Variants in ADGRB3 observed in about 807,000 individuals in gnomAD.
ADGRB3 encodes the protein adhesion G protein-coupled receptor B3.
Under a neutral mutation model 193.4 loss-of-function variants are expected in ADGRB3, and 37 were observed. The observed-to-expected ratio is 0.19, with a 90% CI of 0.15 to 0.25. The LOEUF (loss-of-function observed/expected upper bound fraction) is 0.25, where lower values mean the gene tolerates loss of function less well. Among genes scored for constraint, ADGRB3 ranks in the 10% least tolerant of loss-of-function variants. ADGRB3 has a pLI of 1.00. For synonymous variants in ADGRB3, 690 were observed against 644.2 expected (o/e 1.07, Z -1.08); for missense variants, 1,637 against 1,852.9 (o/e 0.88, Z 2.14).
At chr6:68,677,093 G>A (rs1769109250) in intron 3 of ADGRB3, among the ~76,000 whole-genome samples, 1 of 152,124 alleles carries the variant, frequency 6.6e-6, no homozygotes, top group African/African-American at 2.4e-5. Context: ...TAAAGAGTAA[G>A]GATTCCATAC....
chr6:68,741,855 C>T (rs1194900214), intron 3 of ADGRB3, among the ~76,000 whole-genome samples: 2 of 152,120 alleles, frequency 1.3e-5, no homozygotes, highest in Non-Finnish European at 2.9e-5. Flanking sequence ...TTTCAGCATT[C>T]CTTTTTGCAT....
chr6:69,299,165 C>T (rs1370805823), intron 20 of ADGRB3, among the ~76,000 whole-genome samples: 1 of 151,700 alleles, frequency 6.6e-6, no homozygotes, highest in Non-Finnish European at 1.5e-5. Context: ...CGCCTGTTGG[C>T]CATTTTTTAT....
intron 4 of ADGRB3, among the ~76,000 whole-genome samples, chr6:68,936,131 C>T (rs1303823923): frequency 1.3e-5 from 2 of 152,088 alleles, no homozygotes; most frequent in Non-Finnish European, 2.9e-5. Flanking sequence ...ATATTCCTGC[C>T]GCCAAAGCCA....
intron 3 of ADGRB3, among the ~76,000 whole-genome samples, chr6:68,803,061 G>A (rs1418871121): frequency 6.6e-6 from 1 of 151,772 alleles, no homozygotes; most frequent in Non-Finnish European, 1.5e-5. Flanking sequence ...ACCATATATT[G>A]AATAACTACC....
chr6:69,377,179 T>A (rs1307307948), intron 30 of ADGRB3, among the ~76,000 whole-genome samples: 1 of 151,984 alleles, frequency 6.6e-6, no homozygotes, highest in Non-Finnish European at 1.5e-5. Context: ...AGGCTAATAT[T>A]CAACAACCTA....
chr6:69,051,493 T>C (rs750769645), intron 15 of ADGRB3, among the ~76,000 whole-genome samples: 1 of 152,238 alleles, frequency 6.6e-6, no homozygotes, highest in Non-Finnish European at 1.5e-5. Flanking sequence ...GACAACTAAA[T>C]AGTGCTTAGA....
Position 69,096,112 on chromosome 6 carries a change from A to T in ADGRB3, c.2480+20074A>T, listed in dbSNP as rs148148408. Among the ~76,000 whole-genome samples the T allele has an allele frequency of 2.3e-3, 349 of 152,324 alleles. 5 individuals carry two copies. Among genetic ancestry groups the T allele is most frequent in the African/African-American group, 8.2e-3 (342 of 41,572 alleles). On this transcript the variant is annotated intron_variant, in intron 17 of 31. Coordinates refer to ENST00000370598, the MANE Select transcript of ADGRB3 (RefSeq NM_001704.3). ...TTCCATTTCTTCCTGGAACTTTGAAAATAATTCAGTTGAAGTGTTTTAAAA... is the reference window on the plus strand; with the variant it reads ...TTCCATTTCTTCCTGGAACTTTGAATATAATTCAGTTGAAGTGTTTTAAAA...
chr6:69,110,509 G>A (rs1478903362), intron 17 of ADGRB3, among the ~76,000 whole-genome samples: 2 of 152,136 alleles, frequency 1.3e-5, no homozygotes, highest in Non-Finnish European at 2.9e-5. Context: ...CCCTTGTGTA[G>A]AGGTAAAATG....
At chr6:69,337,078 C>T in intron 24 of ADGRB3, among the ~76,000 whole-genome samples, 1 of 152,120 alleles carries the variant, frequency 6.6e-6, no homozygotes. Context: ...AATTTATTTT[C>T]AGACAGGCCC....
intron 3 of ADGRB3, among the ~76,000 whole-genome samples, chr6:68,648,025 T>C (rs960119172): frequency 1.3e-5 from 2 of 152,174 alleles, no homozygotes; most frequent in African/African-American, 4.8e-5. Flanking sequence ...ATATCATCTA[T>C]GAGACTCTAT....
intron 3 of ADGRB3, among the ~76,000 whole-genome samples, chr6:68,809,085 T>C (rs960132984): frequency 6.6e-6 from 1 of 152,032 alleles, no homozygotes; most frequent in African/African-American, 2.4e-5. Flanking sequence ...TAAAAAAAAT[T>C]TTTTTGCATT....
At chr6:69,354,661 T>C (rs780388192) in intron 27 of ADGRB3, among the ~76,000 whole-genome samples, 2 of 152,352 alleles carry the variant, frequency 1.3e-5, no homozygotes, top group Admixed American at 1.3e-4. Flanking sequence ...CCTGCACTTC[T>C]AGTCTTAAAG....
At chr6:69,300,162 A>T (rs1582616251) in intron 20 of ADGRB3, among the ~76,000 whole-genome samples, 1 of 151,928 alleles carries the variant, frequency 6.6e-6, no homozygotes, top group African/African-American at 2.4e-5. Flanking sequence ...AAGATGGTTT[A>T]ACATACACAA....
intron 20 of ADGRB3, among the ~76,000 whole-genome samples, chr6:69,319,492 T>G (rs944978158): frequency 6.6e-6 from 1 of 151,464 alleles, no homozygotes; most frequent in East Asian, 1.9e-4. Context: ...ATCATCAATA[T>G]TATTATTTCC....
intron 3 of ADGRB3, among the ~76,000 whole-genome samples, chr6:68,680,775 G>T (rs934416358): frequency 2.0e-5 from 3 of 152,212 alleles, no homozygotes; most frequent in Admixed American, 2.0e-4. Flanking sequence ...TAATATATAA[G>T]TATTAAGATC....
chr6:68,854,027 T>A (rs1446613605), intron 3 of ADGRB3, among the ~76,000 whole-genome samples: 1 of 152,198 alleles, frequency 6.6e-6, no homozygotes, highest in Non-Finnish European at 1.5e-5. Context: ...CTTGCTGTGA[T>A]TGTTTTGTAG....
chr6:69,103,015 A>G (rs1773108124), intron 17 of ADGRB3, among the ~76,000 whole-genome samples: 1 of 152,170 alleles, frequency 6.6e-6, no homozygotes, highest in Non-Finnish European at 1.5e-5. Context: ...TTCTCATGAC[A>G]ACAATGCCAA....
intron 17 of ADGRB3, among the ~76,000 whole-genome samples, chr6:69,144,159 C>T (rs1009592883): frequency 2.6e-5 from 4 of 152,084 alleles, no homozygotes; most frequent in Non-Finnish European, 4.4e-5. Flanking sequence ...CTAATTTTAG[C>T]TATTGTAAGT....
intron 20 of ADGRB3, among the ~76,000 whole-genome samples, chr6:69,251,811 A>C (rs73745989): frequency 6.6e-6 from 1 of 152,030 alleles, no homozygotes; most frequent in Non-Finnish European, 1.5e-5. Flanking sequence ...TCCTTTAGCA[A>C]ATTTCAAATA....
Sources: gnomAD v4.1 joint callset for allele counts (sites outside exome capture counted in the v4.1 genomes callset) on GRCh38, gnomAD v4.1.1 for gene constraint, MANE v1.5 for transcripts, NCBI Gene and HGNC (gene_info 2026-07-23, HGNC 2026-07-21) for gene names.